Variants in CDYL2 observed in about 807,000 individuals in gnomAD.
CDYL2 encodes the protein chromodomain Y like 2.
Under a neutral mutation model 49.4 loss-of-function variants are expected in CDYL2, and 23 were observed. That is an observed-to-expected ratio of 0.47 (90% CI 0.34 to 0.66). The LOEUF (loss-of-function observed/expected upper bound fraction) is 0.66. CDYL2 is among the 30% of genes least tolerant of loss of function. The pLI is 0.01. For synonymous variants in CDYL2, 360 were observed against 268.8 expected (o/e 1.34, Z -3.32); for missense variants, 678 against 656.4 (o/e 1.03, Z -0.36).
At chr16:80,733,415 T>C (rs886932906) in intron 1 of CDYL2, among the ~76,000 whole-genome samples, 2 of 152,200 alleles carry the variant, frequency 1.3e-5, no homozygotes, top group African/African-American at 4.8e-5. Context: ...CTTTGCCCTA[T>C]ACTAACATTC....
intron 1 of CDYL2, among the ~76,000 whole-genome samples, chr16:80,798,670 G>C (rs1193882047): frequency 3.3e-5 from 5 of 152,086 alleles, no homozygotes; most frequent in African/African-American, 1.2e-4. Context: ...TAGTAGTTAA[G>C]TTTCTGGGAA....
chr16:80,642,033 G>C (rs1908117374), intron 2 of CDYL2, among the ~76,000 whole-genome samples: 1 of 151,978 alleles, frequency 6.6e-6, no homozygotes, highest in African/African-American at 2.4e-5. Flanking sequence ...TAAATAGAAA[G>C]GATAAACAAT....
At chr16:80,788,336 T>C (rs1002944740) in intron 1 of CDYL2, among the ~76,000 whole-genome samples, 3 of 152,292 alleles carry the variant, frequency 2.0e-5, no homozygotes, top group Non-Finnish European at 2.9e-5. Flanking sequence ...TTGACAAACA[T>C]CCATTCAGAT....
chr16:80,762,903 G>C (rs1163829584), intron 1 of CDYL2, among the ~76,000 whole-genome samples: 2 of 152,174 alleles, frequency 1.3e-5, no homozygotes, highest in Non-Finnish European at 2.9e-5. Context: ...TCAAGCATGA[G>C]CTACAGTACT....
chr16:80,727,055 G>T (rs935775831), intron 1 of CDYL2, among the ~76,000 whole-genome samples: 1 of 152,220 alleles, frequency 6.6e-6, no homozygotes, highest in Non-Finnish European at 1.5e-5. Flanking sequence ...CTGGGCAAGA[G>T]AGCAAGACAA....
chr16:80,762,300 T>C (rs1276022324), intron 1 of CDYL2, among the ~76,000 whole-genome samples: 1 of 152,118 alleles, frequency 6.6e-6, no homozygotes, highest in Non-Finnish European at 1.5e-5. Flanking sequence ...ACTATACAAA[T>C]GCAGACCATC....
At chr16:80,674,648 A>C (rs1037424395) in intron 2 of CDYL2, among the ~76,000 whole-genome samples, 2 of 152,190 alleles carry the variant, frequency 1.3e-5, no homozygotes, top group African/African-American at 4.8e-5. Flanking sequence ...GGCAACGGCT[A>C]ATCTACTTTC....
intron 1 of CDYL2, among the ~76,000 whole-genome samples, chr16:80,727,173 C>T (rs570468212): frequency 8.7e-4 from 132 of 152,368 alleles, no homozygotes; most frequent in Middle Eastern, 3.4e-3. Context: ...TTCTGCATTT[C>T]CATCTGAGGT....
At chr16:80,750,288 CA>C (rs1164441925) in intron 1 of CDYL2, among the ~76,000 whole-genome samples, 2 of 149,518 alleles carry the variant, frequency 1.3e-5, no homozygotes, top group African/African-American at 2.5e-5. Flanking sequence ...GTACAAAAAG[CA>C]AAAAACACAC....
chr16:80,750,583 A>G (rs1906097379), intron 1 of CDYL2, among the ~76,000 whole-genome samples: 1 of 152,204 alleles, frequency 6.6e-6, no homozygotes, highest in African/African-American at 2.4e-5. Flanking sequence ...TTGCATTAAA[A>G]CAACCCACCC....
intron 1 of CDYL2, among the ~76,000 whole-genome samples, chr16:80,729,415 T>G (rs564898201): frequency 5.6e-4 from 85 of 152,304 alleles, no homozygotes; most frequent in African/African-American, 2.0e-3. Context: ...CCTAAATATA[T>G]ACGCATCCAA....
chr16:80,688,559 C>G (rs1471853100), intron 1 of CDYL2, among the ~76,000 whole-genome samples: 1 of 152,118 alleles, frequency 6.6e-6, no homozygotes, highest in African/African-American at 2.4e-5. Context: ...AGCAAACAAA[C>G]ACAAGGTTTT....
chr16:80,686,683 G>A (rs1414743405), intron 1 of CDYL2, among the ~76,000 whole-genome samples: 1 of 152,190 alleles, frequency 6.6e-6, no homozygotes, highest in Non-Finnish European at 1.5e-5. Flanking sequence ...TTTGAAAAGT[G>A]GGATTGTCTC....
rs1567575794 is a variant in CDYL2 at position 80,699,333 on chromosome 16, TA to T, written c.25-14205del. ...TATACAATGCAATACTATTTAGCCATAAAAAAGTATGAGATTCTATCACTTG... is the reference window on the plus strand; with the variant it reads ...TATACAATGCAATACTATTTAGCCATAAAAAGTATGAGATTCTATCACTTG... On this transcript the variant is annotated intron_variant, in intron 1 of 6. Coordinates refer to ENST00000570137, the MANE Select transcript of CDYL2 (RefSeq NM_152342.4). Among the ~76,000 whole-genome samples the T allele has an allele frequency of 2.0e-5, 3 of 152,168 alleles. No homozygotes were observed. The South Asian group carries it at 6.2e-4, about 32-fold the overall frequency.
chr16:80,713,666 T>A (rs1297167051), intron 1 of CDYL2, among the ~76,000 whole-genome samples: 4 of 152,166 alleles, frequency 2.6e-5, no homozygotes, highest in African/African-American at 9.7e-5. Flanking sequence ...CCGCTTCCCA[T>A]CAACTGGTAG....
chr16:80,605,628 T>C (rs905069650), intron 6 of CDYL2, among the ~76,000 whole-genome samples: 2 of 151,310 alleles, frequency 1.3e-5, no homozygotes, highest in Non-Finnish European at 2.9e-5. Context: ...ATCATAGTAA[T>C]AGTCTTAGTA....
chr16:80,620,385 G>C (rs1215335483), intron 4 of CDYL2, among the ~76,000 whole-genome samples: 1 of 152,132 alleles, frequency 6.6e-6, no homozygotes, highest in Non-Finnish European at 1.5e-5. Flanking sequence ...GACAACCAGA[G>C]ACTCTCCCCA....
chr16:80,787,375 A>G (rs760286083), intron 1 of CDYL2, among the ~76,000 whole-genome samples: 20 of 152,334 alleles, frequency 1.3e-4, no homozygotes, highest in Non-Finnish European at 2.8e-4. Context: ...CTTCCATGCC[A>G]AAATGGAAGA....
At chr16:80,744,761 G>T (rs1246891425) in intron 1 of CDYL2, among the ~76,000 whole-genome samples, 3 of 152,142 alleles carry the variant, frequency 2.0e-5, no homozygotes, top group Non-Finnish European at 4.4e-5. Flanking sequence ...TTCTGGTCAA[G>T]CTCTCTTCCA....
Sources: allele counts gnomAD v4.1 joint callset (sites outside exome capture counted in the v4.1 genomes callset), GRCh38; gene constraint gnomAD v4.1.1; transcripts MANE v1.5; gene names NCBI Gene and HGNC (gene_info 2026-07-23, HGNC 2026-07-21).